Variants in RTN1 observed in about 807,000 individuals in gnomAD.
RTN1 encodes reticulon 1.
Under a neutral mutation model 65.5 loss-of-function variants are expected in RTN1, and 25 were observed. The observed-to-expected ratio is 0.38, with a 90% CI of 0.28 to 0.53. The LOEUF (loss-of-function observed/expected upper bound fraction) is 0.53, where lower values mean the gene tolerates loss of function less well. Among genes scored for constraint, RTN1 ranks in the 20% least tolerant of loss-of-function variants. The pLI is 0.79. For synonymous variants in RTN1, 471 were observed against 447.6 expected (o/e 1.05, Z -0.66); for missense variants, 983 against 1,025.4 (o/e 0.96, Z 0.57).
chr14:59,705,531 T>C (rs927979555), intron 3 of RTN1, among the ~76,000 whole-genome samples: 8 of 152,218 alleles, frequency 5.3e-5, no homozygotes, highest in African/African-American at 1.9e-4. Context: ...GTGATTACTT[T>C]AGGACAACTC....
chr14:59,762,140 G>A (rs1405032214), intron 1 of RTN1, among the ~76,000 whole-genome samples: 2 of 152,136 alleles, frequency 1.3e-5, no homozygotes, highest in African/African-American at 2.4e-5. Context: ...AGTGTGTGGT[G>A]TGGTATGCTT....
chr14:59,712,216 A>C (rs10151833), intron 3 of RTN1, among the ~76,000 whole-genome samples: 60,952 of 151,964 alleles, frequency 0.4, 12,638 homozygotes, highest in Admixed American at 0.5. Flanking sequence ...GGGAGCCCCA[A>C]AATACATAGG....
At chr14:59,692,026 C>A (rs557830066) in intron 3 of RTN1, among the ~76,000 whole-genome samples, 1 of 152,232 alleles carries the variant, frequency 6.6e-6, no homozygotes, top group South Asian at 2.1e-4. Context: ...AGAACTGGAA[C>A]AAGAAAAGGA....
At chr14:59,833,244 A>G (rs1406764211) in intron 1 of RTN1, among the ~76,000 whole-genome samples, 5 of 152,244 alleles carry the variant, frequency 3.3e-5, no homozygotes, top group Non-Finnish European at 5.9e-5. Context: ...TGAAGCCTGA[A>G]TAAATACTTT....
Position 59,607,417 on chromosome 14 carries a change from G to A in RTN1, c.1841C>T (p.Ser614Phe), listed in dbSNP as rs867021176. 2 of 1,613,812 alleles carry A rather than the reference G, an allele frequency of 1.2e-6. No individual in the cohort carries two copies. Among genetic ancestry groups the A allele is most frequent in the Non-Finnish European group, 1.7e-6 (2 of 1,179,902 alleles). Residue 614 changes from serine (S) to phenylalanine (F), a missense_variant, in exon 4 of 9, where the codon TCC becomes TTC. Physicochemically the swap from Ser to Phe is radical, Grantham distance 155 (BLOSUM62 -2). Transcript: ENST00000267484. ...VFGSFLLLLF[S>F]LTQFSVVSVV... ...GCTCACCACGCTGAACTGGGTCAGG[G>A]AGAAGAGCAGCAGCAGGAAACTCCC...
intron 1 of RTN1, among the ~76,000 whole-genome samples, chr14:59,748,211 T>G (rs1487191345): frequency 2.1e-5 from 1 of 48,326 alleles, no homozygotes; most frequent in Admixed American, 2.5e-4. Context: ...GTCTGTGAGG[T>G]TTTTTTTTTT....
At chr14:59,731,761 T>C (rs1037488061) in intron 2 of RTN1, among the ~76,000 whole-genome samples, 3 of 152,194 alleles carry the variant, frequency 2.0e-5, no homozygotes, top group African/African-American at 7.2e-5. Context: ...TCCTTTGGTG[T>C]CTGCAACCCT....
Position 59,830,834 on chromosome 14 carries a change from G to T in RTN1, c.241+39556C>A, listed in dbSNP as rs945261135. Among the ~76,000 whole-genome samples, 18 of 152,248 alleles carry T rather than the reference G, an allele frequency of 1.2e-4. 1 individual carries two copies. Among genetic ancestry groups the T allele is most frequent in the Admixed American group, 8.5e-4 (13 of 15,306 alleles). On this transcript the variant is annotated intron_variant, in intron 1 of 8. Transcript: ENST00000267484. ...TGTAAAGCCTTGATAACAGTGCCTAGCATGTGACAAAGGCTAAATAATTAT... is the reference window on the plus strand; with the variant it reads ...TGTAAAGCCTTGATAACAGTGCCTATCATGTGACAAAGGCTAAATAATTAT...
intron 1 of RTN1, among the ~76,000 whole-genome samples, chr14:59,860,139 T>C (rs1292261590): frequency 2.6e-5 from 4 of 152,196 alleles, no homozygotes; most frequent in African/African-American, 7.2e-5. Context: ...GTCTTCACAG[T>C]AGCCCCTCCC....
intron 3 of RTN1, among the ~76,000 whole-genome samples, chr14:59,694,518 A>G (rs1303495868): frequency 1.3e-5 from 2 of 152,242 alleles, no homozygotes; most frequent in Admixed American, 1.3e-4. Flanking sequence ...GTTTTCAAGA[A>G]ACATGAATTG....
At chr14:59,737,847 T>A (rs1381897557) in intron 2 of RTN1, among the ~76,000 whole-genome samples, 1 of 151,938 alleles carries the variant, frequency 6.6e-6, no homozygotes, top group African/African-American at 2.4e-5. Context: ...AAGAAACCAG[T>A]AATAAGACCA....
intron 1 of RTN1, among the ~76,000 whole-genome samples, chr14:59,856,549 AG>A (rs1887611658): frequency 6.6e-6 from 1 of 152,196 alleles, no homozygotes; most frequent in South Asian, 2.1e-4. Flanking sequence ...GGCACACCTC[AG>A]CCCTGTACTC....
chr14:59,724,825 A>C (rs932607223), intron 3 of RTN1, among the ~76,000 whole-genome samples: 1 of 152,032 alleles, frequency 6.6e-6, no homozygotes, highest in African/African-American at 2.4e-5. Context: ...CAGAGCTCAA[A>C]TTGCCTGCTG....
intron 1 of RTN1, among the ~76,000 whole-genome samples, chr14:59,824,014 C>T (rs1825408527): frequency 6.6e-6 from 1 of 152,166 alleles, no homozygotes; most frequent in Non-Finnish European, 1.5e-5. Flanking sequence ...TCTTGTATGT[C>T]ATTTTAAACC....
intron 3 of RTN1, among the ~76,000 whole-genome samples, chr14:59,658,243 G>T (rs897869406): frequency 3.9e-5 from 6 of 152,234 alleles, no homozygotes; most frequent in African/African-American, 1.4e-4. Context: ...AAAGACAGCA[G>T]CCCCAGTCAG....
At chr14:59,641,881 TA>T (rs1389856067) in intron 3 of RTN1, among the ~76,000 whole-genome samples, 1 of 152,152 alleles carries the variant, frequency 6.6e-6, no homozygotes, top group Non-Finnish European at 1.5e-5. Flanking sequence ...TTTTTTGTTG[TA>T]AAAAAATTAA....
chr14:59,839,361 T>C (rs1018023043), intron 1 of RTN1, among the ~76,000 whole-genome samples: 11 of 152,210 alleles, frequency 7.2e-5, no homozygotes, highest in Non-Finnish European at 2.9e-5. Flanking sequence ...CTTCAGCTAA[T>C]ACAATACATA....
chr14:59,856,615 TC>T (rs1887613412), intron 1 of RTN1, among the ~76,000 whole-genome samples: 1 of 152,144 alleles, frequency 6.6e-6, no homozygotes, highest in Non-Finnish European at 1.5e-5. Flanking sequence ...CCTACTGCCC[TC>T]CTCCAAAATG....
rs78237165 is a variant in RTN1, at chr14:59,704,980, C to T, written c.1765+21939G>A. On this transcript the variant is annotated intron_variant, in intron 3 of 8. Transcript: ENST00000267484. ...CTTTTAGTTAGCCCAAAAATATTTT[C>T]CTAGCTCTGAAAAGTGGTGCTCAAC... 2.6e-5 allele frequency among the ~76,000 whole-genome samples: 4 copies of T among 152,226 alleles called. No homozygotes were observed. The East Asian group carries it at 7.7e-4, about 29-fold the overall frequency.
Sources: allele counts gnomAD v4.1 joint callset (sites outside exome capture counted in the v4.1 genomes callset), GRCh38; gene constraint gnomAD v4.1.1; transcripts MANE v1.5; gene names NCBI Gene and HGNC (gene_info 2026-07-23, HGNC 2026-07-21).